Variants in HR observed in about 807,000 individuals in gnomAD.
HR encodes the protein lysine-specific demethylase hairless.
Under a neutral mutation model 128.6 loss-of-function variants are expected in HR, and 83 were observed. The observed-to-expected ratio is 0.65, with a 90% CI of 0.54 to 0.77. HR has a LOEUF of 0.77. HR is among the 30% of genes least tolerant of loss of function. HR has a pLI of 0.00. For synonymous variants in HR, 681 were observed against 658.2 expected, an observed-to-expected ratio of 1.03 and a Z score of -0.53; for missense variants, 1,490 against 1,574.6, an observed-to-expected ratio of 0.95 and a Z score of 0.91.
At position 22,120,955 on chromosome 8, in the gene HR, C is replaced by A; in HGVS notation, c.2371G>T (p.Asp791Tyr). 1 of 1,596,316 alleles carries A rather than the reference C, an allele frequency of 6.3e-7. No homozygotes were observed. Among genetic ancestry groups the A allele is most frequent in the South Asian group, 1.1e-5 (1 of 89,474 alleles). The change falls in exon 11 of 19, where the codon GAC becomes TAC. Residue 791 changes from aspartate to tyrosine, a missense_variant. By Grantham distance (160) the Asp-to-Tyr change is radical. Around this residue, in one of 3 missense-constraint regions of HR, gnomAD observed 1,060 missense variants for 1,060.9 expected, o/e 1.00. Transcript: ENST00000381418. ...APVTPALPSD[D>Y]RITNILDSII... ...CTGTCCAGGATGTTGGTGATGCGGT[C>A]ATCCTGCAGAGAGGGGCACAGGGGC...
intron 12 of HR, 54 bp downstream of exon 12, chr8:22,120,288 G>T: frequency 6.2e-7 from 1 of 1,612,786 alleles, no homozygotes. Flanking sequence ...TCTGCCACCC[G>T]ATCCCTAGGG....
intron 6 of HR, 32 bp downstream of exon 6, chr8:22,123,617 T>TGTGGGGCCCCCC: frequency 3.4e-6 from 1 of 292,092 alleles, no homozygotes; most frequent in Non-Finnish European, 6.2e-6. Flanking sequence ...GAGGGCTCCA[T>TGTGGGGCCCCCC]CCCGCCCTCC....
At chr8:22,118,152 A>T (rs913280205) in intron 16 of HR, 11 of 152,552 alleles carry the variant, frequency 7.2e-5, no homozygotes, top group African/African-American at 2.4e-4. Flanking sequence ...GGTGCACACC[A>T]TGCTGGCCTC....
rs747299921 is a variant in HR, at chr8:22,127,154, G to A, written c.1288C>T (p.Arg430Trp). 2.2e-5 allele frequency: 36 copies of A among 1,612,316 alleles called. No homozygotes were observed. In the South Asian group the frequency reaches 3.0e-4, roughly 13 times the overall value. ...GTGCCTGGAAAAGGGTCCGGTGGCC[G>A]CTTGGGGGCTGGACTGCCCATTGCT... ...QGAMGSPAPK[R>W]PPDPFPGTAE... The change falls in exon 3 of 19, where the codon CGG (arginine) becomes TGG (tryptophan). Residue 430 changes from arginine (R) to tryptophan (W), a missense_variant. This residue lies in a region of HR where 1,060 missense variants were observed against 1,060.9 expected (regional missense o/e 1.00). Transcript: ENST00000381418.
chr8:22,123,617 T>TGGGGGGGCCCCCCCCCC, intron 6 of HR, 32 bp downstream of exon 6: 1 of 292,090 alleles, frequency 3.4e-6, no homozygotes, highest in Non-Finnish European at 6.2e-6. Context: ...GAGGGCTCCA[T>TGGGGGGGCCCCCCCCCC]CCCGCCCTCC....
In HR at chr8:22,116,609, T is replaced by A. The variant is rs1208033850; in HGVS notation, c.3379-181A>T. On this transcript the variant is annotated intron_variant, in intron 17 of 18. Transcript: ENST00000381418. The surrounding 1 kb of genome is among the most constrained non-coding windows in gnomAD (Gnocchi z 4.2). ...TGTGGCCAAAACCGGGACTCAGAACTGCTGGAGAGACCCTAAAGTCTCCCT... is the reference window on the plus strand; with the variant it reads ...TGTGGCCAAAACCGGGACTCAGAACAGCTGGAGAGACCCTAAAGTCTCCCT... Among the ~76,000 whole-genome samples the A allele has an allele frequency of 1.3e-5, 2 of 149,526 alleles. No homozygotes were observed. Among genetic ancestry groups the A allele is most frequent in the African/African-American group, 5.0e-5 (2 of 40,116 alleles).
rs4872300 is a variant in HR at position 22,118,854 on chromosome 8, A to G, written c.3213+96T>C. 1,034,672 of 1,034,750 alleles carry G rather than the reference A, an allele frequency of 1. 517,297 individuals are homozygous for G. Among genetic ancestry groups the G allele is most frequent in the South Asian group, 1 (74,056 of 74,056 alleles). 64.1% of individuals were successfully genotyped at this position (1,034,750 alleles called of 1,614,324 possible). A position where few individuals can be genotyped will look rare whatever the true frequency, so the allele number is the denominator to read the frequency against. ...TGCAGCTCACCTGAGGGCGTGGGGC[A>G]GGGAGCGAGCACATGGGACCGCACA... On this transcript the variant is annotated intron_variant, in intron 16 of 18. Coordinates refer to ENST00000381418, the MANE Select transcript of HR (RefSeq NM_005144.5).
intron 14 of HR, 70 bp from the exon 15 acceptor site, chr8:22,119,353 A>G: frequency 1.2e-6 from 2 of 1,603,508 alleles, no homozygotes; most frequent in Non-Finnish European, 1.7e-6. Flanking sequence ...TCACGCCTGT[A>G]ATCCTGGCAC....
intron 14 of HR, 67 bp downstream of exon 14, chr8:22,119,693 T>C: frequency 1.3e-6 from 2 of 1,537,570 alleles, no homozygotes; most frequent in Non-Finnish European, 1.8e-6. Flanking sequence ...CAGACGCTCG[T>C]GTGCCCCGAG....
intron 3 of HR, among the ~76,000 whole-genome samples, chr8:22,126,147 CAG>C (rs1330446201): frequency 6.6e-6 from 1 of 152,214 alleles, no homozygotes; most frequent in Non-Finnish European, 1.5e-5. Flanking sequence ...TGAGAAGGGC[CAG>C]AGAGTTTCGA....
At chr8:22,129,819 C>G (rs1827002758) in intron 1 of HR, among the ~76,000 whole-genome samples, 1 of 152,200 alleles carries the variant, frequency 6.6e-6, no homozygotes, top group Non-Finnish European at 1.5e-5. Flanking sequence ...CTCTCTACAC[C>G]TGGGCGGCCC....
intron 6 of HR, 32 bp downstream of exon 6, chr8:22,123,617 T>TTGGGGGC: frequency 3.0e-4 from 88 of 292,058 alleles, no homozygotes; most frequent in Non-Finnish European, 5.0e-4. Flanking sequence ...GAGGGCTCCA[T>TTGGGGGC]CCCGCCCTCC....
rs1432405213 is a variant in HR, at chr8:22,125,362, A to T, written c.1699T>A (p.Cys567Ser). The T allele has an allele frequency of 6.2e-6, 10 of 1,606,070 alleles. No individual in the cohort carries two copies. The South Asian group carries it at 1.0e-4, about 16-fold the overall frequency. Reference protein sequence around the residue: ...HLLSGLGDRLCRLLRREREAL... With the variant: ...HLLSGLGDRLSRLLRREREAL... ...TCCCGCTCCCTCCGCAGCAGGCGGC[A>T]CAGTCGGTCCCCCAAACCACTGAGC... Residue 567 changes from cysteine (C) to serine (S), a missense_variant, in exon 5 of 19, where the codon TGC becomes AGC. Physicochemically the swap from Cys to Ser is moderately radical, Grantham distance 112. This residue lies in a region of HR where 1,060 missense variants were observed against 1,060.9 expected (regional missense o/e 1.00). Coordinates refer to ENST00000381418, the MANE Select transcript of HR (RefSeq NM_005144.5).
chr8:22,121,492 T>C, intron 9 of HR, 121 bp downstream of exon 9: 2 of 1,063,208 alleles, frequency 1.9e-6, no homozygotes, highest in South Asian at 2.5e-5. Flanking sequence ...GTAGTGGAGA[T>C]TATTGGGGGT....
chr8:22,128,563 C>T lies in HR; in HGVS notation c.608G>A (p.Ser203Asn), dbSNP rs569590229. ...PKVPSAFSLG[S>N]KGFYYKDPSI... The stretch of plus-strand genomic sequence containing the variant: ...CCTCTCTGCCCCTGCACTCACCTTG[C>T]TGCCTAAGCTGAAGGCAGAGGGCAC... The change falls in exon 2 of 19, where the codon AGC becomes AAC. Residue 203 changes from serine to asparagine, a missense_variant. By Grantham distance (46) the Ser-to-Asn change is conservative. Coordinates refer to ENST00000381418, the MANE Select transcript of HR (RefSeq NM_005144.5). The T allele has an allele frequency of 2.5e-6, 4 of 1,611,546 alleles. No homozygotes were observed. The highest frequency in any genetic ancestry group is 2.2e-5 in the South Asian group (2 of 90,500).
At chr8:22,123,617 T>TGGGGGGCCCCCCCCC in intron 6 of HR, 32 bp downstream of exon 6, 6 of 292,090 alleles carry the variant, frequency 2.1e-5, no homozygotes, top group Non-Finnish European at 2.5e-5. Flanking sequence ...GAGGGCTCCA[T>TGGGGGGCCCCCCCCC]CCCGCCCTCC....
Position 22,116,445 on chromosome 8 carries a change from T to C in HR, c.3379-17A>G, listed in dbSNP as rs549749151. 1 of 1,613,000 alleles carries C rather than the reference T, an allele frequency of 6.2e-7. No individual in the cohort carries two copies. The highest frequency in any genetic ancestry group is 8.5e-7 in the Non-Finnish European group (1 of 1,179,572). ...GCCCTGCACCTGTGTCGGGGGGACA[T>C]GGACAGTGAGGCTCAAGATCACACA... is the stretch of plus-strand genomic sequence containing the variant. On this transcript the variant is annotated splice_polypyrimidine_tract_variant and intron_variant, in intron 17 of 18. Transcript: ENST00000381418. The surrounding 1 kb of genome is among the most constrained non-coding windows in gnomAD (Gnocchi z 4.2).
chr8:22,123,617 T>TTGGGGGGCCCCCCCC, intron 6 of HR, 32 bp downstream of exon 6: 3 of 292,092 alleles, frequency 1.0e-5, no homozygotes, highest in Non-Finnish European at 1.9e-5. Context: ...GAGGGCTCCA[T>TTGGGGGGCCCCCCCC]CCCGCCCTCC....
intron 6 of HR, 144 bp downstream of exon 6, chr8:22,123,505 G>A: frequency 1.3e-6 from 1 of 767,428 alleles, no homozygotes; most frequent in South Asian, 1.7e-5. Context: ...CTGCTCTAAG[G>A]GCATTGAGCC....
Sources: gnomAD v4.1 joint callset for allele counts (sites outside exome capture counted in the v4.1 genomes callset) on GRCh38, gnomAD v4.1.1 for gene constraint, gnomAD v4.1.1 regional missense constraint, Gnocchi (gnomAD v3.1) non-coding constraint, MANE v1.5 for transcripts, NCBI Gene and HGNC (gene_info 2026-07-23, HGNC 2026-07-21) for gene names.